Variants in TTC29 observed in about 807,000 individuals in gnomAD.
TTC29 encodes tetratricopeptide repeat domain 29.
In TTC29, 49 loss-of-function variants were observed where a neutral mutation model predicts 58.1. That is an observed-to-expected ratio of 0.84 (90% CI 0.67 to 1.07). TTC29 has a LOEUF of 1.07. Among genes scored for constraint, TTC29 ranks in the 50% least tolerant of loss-of-function variants. The pLI is 0.00. For missense variants in TTC29, 582 were observed against 555.6 expected (o/e 1.05, Z -0.48); for synonymous variants, 209 against 196.8 (o/e 1.06, Z -0.52).
intron 11 of TTC29, among the ~76,000 whole-genome samples, chr4:146,788,528 T>G (rs1749204867): frequency 6.6e-6 from 1 of 152,170 alleles, no homozygotes; most frequent in Non-Finnish European, 1.5e-5. Context: ...TAGGGTTTCC[T>G]GTGTTTCGTT....
At chr4:146,730,414 G>A (rs1464141775) in intron 11 of TTC29, among the ~76,000 whole-genome samples, 1 of 152,124 alleles carries the variant, frequency 6.6e-6, no homozygotes, top group African/African-American at 2.4e-5. Context: ...TCAAGAGAAA[G>A]CTTTAGGCTG....
At chr4:146,795,857 C>T (rs10446756) in intron 11 of TTC29, among the ~76,000 whole-genome samples, 33,036 of 152,068 alleles carry the variant, frequency 0.22, 3,918 homozygotes, top group East Asian at 0.31. Context: ...TGGTAGAAAG[C>T]ATCTAGCTGA....
intron 8 of TTC29, among the ~76,000 whole-genome samples, chr4:146,844,538 TTTTG>T (rs1729044846): frequency 6.6e-6 from 1 of 152,144 alleles, no homozygotes; most frequent in Non-Finnish European, 1.5e-5. Flanking sequence ...ACCTTCTTTT[TTTTG>T]TTTATTTTTA....
chr4:146,887,731 CAT>C (rs918665860), intron 6 of TTC29, among the ~76,000 whole-genome samples: 6 of 152,236 alleles, frequency 3.9e-5, no homozygotes, highest in Admixed American at 2.6e-4. Flanking sequence ...TCCATCTCCA[CAT>C]GTTATTCCAT....
In TTC29 at chr4:146,922,512, TTAC is replaced by T. The variant is rs200554769; in HGVS notation, c.177-13266_177-13264del. 8.5e-3 allele frequency among the ~76,000 whole-genome samples: 1,297 copies of T among 151,916 alleles called. 16 individuals carry two copies. Among genetic ancestry groups the T allele is most frequent in the African/African-American group, 0.03 (1,247 of 41,536 alleles). Reference sequence around the variant, plus strand: ...TTATAATTATAGTAACAGCTAACTCTTACTATATGCTTAATGATGTGCCAGGTG... The same window carrying T: ...TTATAATTATAGTAACAGCTAACTCTTATATGCTTAATGATGTGCCAGGTG... On this transcript the variant is annotated intron_variant, in intron 4 of 12. Transcript: ENST00000325106.
At chr4:146,936,766 C>T (rs1341156951) in intron 4 of TTC29, among the ~76,000 whole-genome samples, 2 of 152,018 alleles carry the variant, frequency 1.3e-5, no homozygotes, top group East Asian at 3.8e-4. Context: ...ACCAAAATAT[C>T]ATTAGCAACA....
chr4:146,707,010 C>T lies in TTC29; in HGVS notation c.*148G>A. The T allele has an allele frequency of 4.3e-6, 2 of 462,668 alleles. No individual in the cohort carries two copies. Among genetic ancestry groups the T allele is most frequent in the Non-Finnish European group, 3.7e-6 (1 of 273,426 alleles). The allele number at this position is 462,668 out of a possible 1,614,324, so 28.7% of individuals were successfully genotyped here. Reference sequence around the variant, plus strand: ...ATGTTTTGGATTAAATTTATAGTAACACACTGAAATGCAAAATCCAATGAA... The same window carrying T: ...ATGTTTTGGATTAAATTTATAGTAATACACTGAAATGCAAAATCCAATGAA... On this transcript the variant is annotated 3_prime_UTR_variant, in exon 13 of 13. Coordinates refer to ENST00000325106, the MANE Select transcript of TTC29 (RefSeq NM_031956.4).
intron 10 of TTC29, among the ~76,000 whole-genome samples, chr4:146,815,765 G>A (rs913630454): frequency 8.5e-5 from 13 of 152,154 alleles, no homozygotes; most frequent in African/African-American, 2.9e-4. Flanking sequence ...CATCAAGTAG[G>A]TGGTGGGGTA....
At position 146,937,628 on chromosome 4, in the gene TTC29, T is replaced by C; in HGVS notation, c.142A>G (p.Asn48Asp). 6.5e-7 allele frequency: 1 copy of C among 1,538,644 alleles called. No individual in the cohort carries two copies. The highest frequency in any genetic ancestry group is 8.8e-7 in the Non-Finnish European group (1 of 1,138,610). The change falls in exon 4 of 13, where the codon AAT (asparagine) becomes GAT (aspartate). Residue 48 changes from asparagine to aspartate, a missense_variant. Physicochemically the swap from Asn to Asp is conservative, Grantham distance 23. Transcript: ENST00000325106. ...TCCTCTTTTGATAATCCTTTGAAAT[T>C]TACCTCTAGATAATGATCTATGTCA... ...KDDIDHYLEVNFKGLSKEEVA... is the reference protein window; with the variant it reads ...KDDIDHYLEVDFKGLSKEEVA...
chr4:146,804,740 G>A (rs1438179052), intron 10 of TTC29, among the ~76,000 whole-genome samples: 1 of 152,172 alleles, frequency 6.6e-6, no homozygotes, highest in Admixed American at 6.5e-5. Context: ...CCCAGTCAGG[G>A]GCTTATAGAT....
rs185913521 is a variant in TTC29, at chr4:146,821,639, T to G, written c.978-1391A>C. Among the ~76,000 whole-genome samples, 388 of 152,254 alleles carry G rather than the reference T, an allele frequency of 2.5e-3. 1 individual carries two copies. Among genetic ancestry groups the G allele is most frequent in the Non-Finnish European group, 4.6e-3 (313 of 68,012 alleles). On this transcript the variant is annotated intron_variant, in intron 9 of 12. Transcript: ENST00000325106. ...AATACATTTTTCAATGAAGTAATGT[T>G]GAAAATTTGAGAAGGGAGACACATA... is the stretch of plus-strand genomic sequence containing the variant.
At chr4:146,884,371 G>GA (rs2150237606) in intron 6 of TTC29, among the ~76,000 whole-genome samples, 1 of 152,192 alleles carries the variant, frequency 6.6e-6, no homozygotes, top group Non-Finnish European at 1.5e-5. Flanking sequence ...GTGGCAGTGG[G>GA]AAGTAGTTAG....
chr4:146,780,648 T>C (rs1314352090), intron 11 of TTC29, among the ~76,000 whole-genome samples: 1 of 151,940 alleles, frequency 6.6e-6, no homozygotes, highest in East Asian at 1.9e-4. Flanking sequence ...TTATCTCCAG[T>C]TCATCTCTTA....
intron 11 of TTC29, among the ~76,000 whole-genome samples, chr4:146,715,191 C>T (rs1379276091): frequency 6.6e-6 from 1 of 150,658 alleles, no homozygotes; most frequent in Non-Finnish European, 1.5e-5. Flanking sequence ...ATTAGTACAG[C>T]CATTATGGAG....
At chr4:146,735,304 A>G (rs912710972) in intron 11 of TTC29, among the ~76,000 whole-genome samples, 6 of 152,130 alleles carry the variant, frequency 3.9e-5, no homozygotes, top group African/African-American at 1.2e-4. Flanking sequence ...AGGGTACAGT[A>G]TGAAGGAAGT....
intron 6 of TTC29, among the ~76,000 whole-genome samples, chr4:146,882,057 CATGT>C (rs1232125925): frequency 6.6e-6 from 1 of 152,072 alleles, no homozygotes; most frequent in Non-Finnish European, 1.5e-5. Flanking sequence ...TAAAGAATCC[CATGT>C]AGACAGGTTT....
At chr4:146,795,164 A>G (rs538121319) in intron 11 of TTC29, among the ~76,000 whole-genome samples, 1 of 152,286 alleles carries the variant, frequency 6.6e-6, no homozygotes, top group East Asian at 1.9e-4. Context: ...AGATTTGGGT[A>G]TGGTGAATAT....
chr4:146,778,010 A>G (rs1748237610), intron 11 of TTC29, among the ~76,000 whole-genome samples: 1 of 152,210 alleles, frequency 6.6e-6, no homozygotes. Context: ...TCAGATGGCT[A>G]CTGAATATCT....
At chr4:146,725,267 A>G (rs1054291172) in intron 11 of TTC29, among the ~76,000 whole-genome samples, 1 of 152,136 alleles carries the variant, frequency 6.6e-6, no homozygotes, top group Non-Finnish European at 1.5e-5. Context: ...AGACTGGTAG[A>G]TCACACCTGT....
Sources: gnomAD v4.1 joint callset for allele counts (sites outside exome capture counted in the v4.1 genomes callset) on GRCh38, gnomAD v4.1.1 for gene constraint, MANE v1.5 for transcripts, NCBI Gene and HGNC (gene_info 2026-07-23, HGNC 2026-07-21) for gene names.